Variants in RNF216 observed in about 807,000 individuals in gnomAD.
RNF216 encodes ring finger protein 216, also known as E3 ubiquitin-protein ligase RNF216.
In RNF216, 72 loss-of-function variants were observed where a neutral mutation model predicts 110.8. That is an observed-to-expected ratio of 0.65 (90% CI 0.54 to 0.79). The LOEUF (loss-of-function observed/expected upper bound fraction) is 0.79, where lower values mean the gene tolerates loss of function less well. Among genes scored for constraint, RNF216 ranks in the 30% least tolerant of loss-of-function variants. RNF216 has a pLI of 0.00. For missense variants in RNF216, 1,342 were observed against 1,141.2 expected (o/e 1.18, Z -2.54); for synonymous variants, 495 against 407.5 (o/e 1.21, Z -2.59).
At chr7:5,738,336 T>G (rs548903956) in intron 5 of RNF216, among the ~76,000 whole-genome samples, 1 of 152,188 alleles carries the variant, frequency 6.6e-6, no homozygotes, top group Admixed American at 6.5e-5. Context: ...GGCAATCCTC[T>G]TGCCTCAGCC....
intron 13 of RNF216, among the ~76,000 whole-genome samples, chr7:5,709,416 G>C (rs1327710153): frequency 6.6e-6 from 1 of 152,196 alleles, no homozygotes; most frequent in Non-Finnish European, 1.5e-5. Flanking sequence ...TTCTCACAGA[G>C]AGAAATGGTC....
At chr7:5,684,881 G>A (rs1398265512) in intron 13 of RNF216, among the ~76,000 whole-genome samples, 6 of 151,952 alleles carry the variant, frequency 3.9e-5, no homozygotes, top group Non-Finnish European at 1.5e-5. Flanking sequence ...AGAAGGAAAG[G>A]GTGCTTGGGA....
chr7:5,674,115 C>T (rs1418147006), intron 13 of RNF216, among the ~76,000 whole-genome samples: 2 of 151,760 alleles, frequency 1.3e-5, no homozygotes, highest in Admixed American at 6.6e-5. Context: ...CTGCAACCTC[C>T]GCCTCCTGGG....
At chr7:5,653,753 A>G (rs1478546061) in intron 13 of RNF216, among the ~76,000 whole-genome samples, 1 of 152,284 alleles carries the variant, frequency 6.6e-6, no homozygotes, top group East Asian at 1.9e-4. Flanking sequence ...CTGGGGAGAC[A>G]GTGAAGGCTT....
At chr7:5,695,772 C>T (rs909502459) in intron 13 of RNF216, among the ~76,000 whole-genome samples, 3 of 152,170 alleles carry the variant, frequency 2.0e-5, no homozygotes, top group African/African-American at 7.2e-5. Context: ...TCAAACTGTT[C>T]CCTTATGTGT....
At chr7:5,665,997 CT>C (rs1270038480) in intron 13 of RNF216, among the ~76,000 whole-genome samples, 2 of 152,028 alleles carry the variant, frequency 1.3e-5, no homozygotes, top group Admixed American at 1.3e-4. Flanking sequence ...AACCCCGTTT[CT>C]ACTAAAAATA....
At chr7:5,653,815 C>T (rs1447061970) in intron 13 of RNF216, among the ~76,000 whole-genome samples, 3 of 151,466 alleles carry the variant, frequency 2.0e-5, no homozygotes, top group Non-Finnish European at 4.4e-5. Context: ...AATAGGGCGG[C>T]GAAAACAGAT....
At chr7:5,691,254 T>C (rs1478522118) in intron 13 of RNF216, among the ~76,000 whole-genome samples, 1 of 152,174 alleles carries the variant, frequency 6.6e-6, no homozygotes, top group Non-Finnish European at 1.5e-5. Flanking sequence ...ACCTCGCCAC[T>C]CGGGCCGACG....
intron 13 of RNF216, among the ~76,000 whole-genome samples, chr7:5,679,843 C>T (rs906951388): frequency 2.0e-5 from 3 of 152,164 alleles, no homozygotes; most frequent in Non-Finnish European, 4.4e-5. Context: ...TCATGCTCCT[C>T]CAGGTCCCTC....
chr7:5,671,311 G>A (rs935809645), intron 13 of RNF216, among the ~76,000 whole-genome samples: 3 of 152,152 alleles, frequency 2.0e-5, no homozygotes, highest in Admixed American at 1.3e-4. Context: ...TTTCCCAACT[G>A]AATCACACGT....
At chr7:5,653,204 A>G (rs1255438368) in intron 13 of RNF216, among the ~76,000 whole-genome samples, 1 of 152,136 alleles carries the variant, frequency 6.6e-6, no homozygotes. Flanking sequence ...ATATATAAAC[A>G]TGCATCTTAA....
intron 2 of RNF216, among the ~76,000 whole-genome samples, chr7:5,755,301 A>C (rs1228036844): frequency 2.0e-5 from 3 of 152,172 alleles, no homozygotes; most frequent in Non-Finnish European, 4.4e-5. Context: ...CCAGTGTTTG[A>C]CAAGATACCA....
At chr7:5,653,240 C>A (rs1180664228) in intron 13 of RNF216, among the ~76,000 whole-genome samples, 1 of 152,050 alleles carries the variant, frequency 6.6e-6, no homozygotes, top group Non-Finnish European at 1.5e-5. Flanking sequence ...ATTCTAGGAT[C>A]CTTCATAGTT....
intron 7 of RNF216, among the ~76,000 whole-genome samples, chr7:5,726,426 A>C (rs1793757063): frequency 6.6e-6 from 1 of 151,194 alleles, no homozygotes; most frequent in African/African-American, 2.4e-5. Flanking sequence ...CTTCCCCCAC[A>C]CTCTTCTCTG....
At chr7:5,642,964 G>C (rs1478296805) in intron 14 of RNF216, among the ~76,000 whole-genome samples, 1 of 152,288 alleles carries the variant, frequency 6.6e-6, no homozygotes, top group East Asian at 1.9e-4. Flanking sequence ...AAGGAGAGAA[G>C]AGGCTGTAAA....
chr7:5,663,876 C>T (rs1017005400), intron 13 of RNF216, among the ~76,000 whole-genome samples: 7 of 151,930 alleles, frequency 4.6e-5, no homozygotes, highest in East Asian at 3.9e-4. Flanking sequence ...CCAGCCTGGG[C>T]GACAGAGAGG....
intron 5 of RNF216, among the ~76,000 whole-genome samples, chr7:5,733,492 T>A (rs569278388): frequency 6.6e-6 from 1 of 152,170 alleles, no homozygotes; most frequent in African/African-American, 2.4e-5. Flanking sequence ...GAGAAAAACA[T>A]TGAATATACT....
intron 3 of RNF216, among the ~76,000 whole-genome samples, chr7:5,744,307 A>C (rs932424063): frequency 6.6e-6 from 1 of 152,222 alleles, no homozygotes; most frequent in Admixed American, 6.5e-5. Flanking sequence ...TAGTGCATTG[A>C]AAGCCAGGTC....
At chr7:5,706,219 CAAAA>C in intron 13 of RNF216, among the ~76,000 whole-genome samples, 1 of 70,734 alleles carries the variant, frequency 1.4e-5, no homozygotes. Context: ...CACTCCATCT[CAAAA>C]AAAAAAAAAA....
Sources: allele counts gnomAD v4.1 joint callset (sites outside exome capture counted in the v4.1 genomes callset), GRCh38; gene constraint gnomAD v4.1.1; transcripts MANE v1.5; gene names NCBI Gene and HGNC (gene_info 2026-07-23, HGNC 2026-07-21).